VWA5B1: variants seen among roughly 807,000 people sequenced by gnomAD.
VWA5B1 encodes the protein von Willebrand factor A domain containing 5B1.
In VWA5B1, 115 loss-of-function variants were observed where a neutral mutation model predicts 118.2. The ratio of observed to expected loss-of-function variants is 0.97; its 90% CI spans 0.84 to 1.14. The LOEUF (loss-of-function observed/expected upper bound fraction) is 1.14, where lower values mean the gene tolerates loss of function less well. Among genes scored for constraint, VWA5B1 ranks in the 50% most tolerant of loss-of-function variants. The probability of loss-of-function intolerance (pLI) is 0.00; values close to 1 mark genes in which losing one functional copy is unlikely to be tolerated. For missense variants in VWA5B1, 1,596 were observed against 1,603.8 expected, an observed-to-expected ratio of 1.00 and a Z score of 0.08; for synonymous variants, 682 against 658.4, an observed-to-expected ratio of 1.04 and a Z score of -0.55.
intron 1 of VWA5B1, among the ~76,000 whole-genome samples, chr1:20,291,516 T>A (rs141586132): frequency 2.6e-4 from 40 of 152,044 alleles, no homozygotes; most frequent in African/African-American, 7.2e-4. Flanking sequence ...TGTGTCTCTG[T>A]CTCTCTCTTC....
chr1:20,317,138 T>A (rs577328846), intron 4 of VWA5B1, among the ~76,000 whole-genome samples: 9,408 of 128,226 alleles, frequency 0.073, 348 homozygotes, highest in Middle Eastern at 0.11. Context: ...CCTGGGTGAC[T>A]GAGCAAGACT....
Position 20,343,074 on chromosome 1 carries a change from C to T in VWA5B1, c.2312-5C>T. The T allele has an allele frequency of 7.3e-6, 11 of 1,507,068 alleles. No homozygotes were observed. Among genetic ancestry groups the T allele is most frequent in the South Asian group, 1.3e-5 (1 of 78,268 alleles). 93.4% of individuals were successfully genotyped at this position (1,507,068 alleles called of 1,614,324 possible). A position where few individuals can be genotyped will look rare whatever the true frequency, so the allele number is the denominator to read the frequency against. ...CGCTTGGCCCACTTGTCCCTCTGCC[C>T]GCAGAGCCGTCCCACCATCCCTCTG... On this transcript the variant is annotated splice_region_variant and splice_polypyrimidine_tract_variant and intron_variant, in intron 15 of 21. Transcript: ENST00000289815.
intron 1 of VWA5B1, among the ~76,000 whole-genome samples, chr1:20,292,195 T>C (rs2088322933): frequency 6.6e-6 from 1 of 151,004 alleles, no homozygotes; most frequent in African/African-American, 2.4e-5. Context: ...CTCCCTTACC[T>C]CCTTCCTTCT....
chr1:20,329,597 C>G (rs2089487984), intron 9 of VWA5B1, among the ~76,000 whole-genome samples: 1 of 152,120 alleles, frequency 6.6e-6, no homozygotes, highest in Admixed American at 6.5e-5. Context: ...AAGTCCTGTC[C>G]AAGGGTGGAT....
At chr1:20,316,055 G>A (rs993668891) in intron 4 of VWA5B1, among the ~76,000 whole-genome samples, 1 of 152,268 alleles carries the variant, frequency 6.6e-6, no homozygotes, top group South Asian at 2.1e-4. Flanking sequence ...TGACACTCTT[G>A]GGAAAAGACT....
intron 3 of VWA5B1, 53 bp from the exon 4 acceptor site, chr1:20,314,269 G>T: frequency 9.2e-6 from 14 of 1,525,332 alleles, no homozygotes; most frequent in Non-Finnish European, 1.2e-5. Context: ...AGCAATCTTA[G>T]AGGGGATCAG....
chr1:20,294,040 A>G (rs2088360583), intron 1 of VWA5B1, among the ~76,000 whole-genome samples: 1 of 152,232 alleles, frequency 6.6e-6, no homozygotes, highest in African/African-American at 2.4e-5. Context: ...AATGAAAACC[A>G]TTGGATCACT....
chr1:20,330,784 G>T, intron 10 of VWA5B1, 85 bp from the exon 11 acceptor site: 1 of 1,350,182 alleles, frequency 7.4e-7, no homozygotes, highest in South Asian at 1.3e-5. Context: ...GATCCTGCCA[G>T]ACCATGCTCT....
intron 1 of VWA5B1, 90 bp downstream of exon 1, chr1:20,291,178 A>ATG (rs60319746): frequency 3.9e-4 from 50 of 127,696 alleles, no homozygotes; most frequent in Middle Eastern, 3.7e-3. Context: ...GTGTGTGTGT[A>ATG]TGTGTGTGTG....
At chr1:20,325,499 A>T (rs557862212) in intron 8 of VWA5B1, among the ~76,000 whole-genome samples, 1 of 152,306 alleles carries the variant, frequency 6.6e-6, no homozygotes, top group South Asian at 2.1e-4. Context: ...TTTCCTGCTG[A>T]GCCTGGACTC....
intron 5 of VWA5B1, 75 bp downstream of exon 5, chr1:20,317,750 G>T: frequency 2.0e-6 from 2 of 998,632 alleles, no homozygotes; most frequent in African/African-American, 1.6e-5. Flanking sequence ...TGGGACGGGG[G>T]TGGGAAGGAA....
In VWA5B1 at chr1:20,296,302, A is replaced by G. The variant is rs1010353790; in HGVS notation, c.-27+5214A>G. On this transcript the variant is annotated intron_variant, in intron 1 of 21. Coordinates refer to ENST00000289815, the MANE Select transcript of VWA5B1 (RefSeq NM_001039500.3). ...TGCCCTTCACCCAATACCCATGTCCATCAGTTTCTCCGTCAGGTGGGGTAA... is the reference window on the plus strand; with the variant it reads ...TGCCCTTCACCCAATACCCATGTCCGTCAGTTTCTCCGTCAGGTGGGGTAA... Among the ~76,000 whole-genome samples, 60 of 152,336 alleles carry G rather than the reference A, an allele frequency of 3.9e-4. 1 individual carries two copies. The highest frequency in any genetic ancestry group is 1.4e-3 in the African/African-American group (59 of 41,582).
At chr1:20,345,904 T>C (rs1469412667) in intron 17 of VWA5B1, among the ~76,000 whole-genome samples, 6 of 152,222 alleles carry the variant, frequency 3.9e-5, no homozygotes, top group Non-Finnish European at 1.5e-5. Flanking sequence ...TATAGAAAGA[T>C]ATAAAATGTA....
At chr1:20,329,231 A>G (rs2089471726) in intron 9 of VWA5B1, among the ~76,000 whole-genome samples, 1 of 146,472 alleles carries the variant, frequency 6.8e-6, no homozygotes, top group Non-Finnish European at 1.5e-5. Flanking sequence ...CTACACATAC[A>G]TCTTAAGACT....
intron 17 of VWA5B1, among the ~76,000 whole-genome samples, chr1:20,347,154 A>G (rs1235241661): frequency 2.0e-4 from 30 of 152,238 alleles, no homozygotes; most frequent in East Asian, 1.9e-4. Context: ...CTCATGTCCT[A>G]TGAATAGCCA....
At chr1:20,337,588 G>A in intron 13 of VWA5B1, 58 bp from the exon 14 acceptor site, 1 of 1,483,386 alleles carries the variant, frequency 6.7e-7, no homozygotes. Flanking sequence ...GGGGATGCAA[G>A]CCCCACTCTT....
At chr1:20,345,667 T>C in intron 17 of VWA5B1, 74 bp downstream of exon 17, 1 of 1,463,082 alleles carries the variant, frequency 6.8e-7, no homozygotes. Flanking sequence ...GGGGCTGAGA[T>C]ACAAAGGACC....
chr1:20,315,650 G>A (rs2088982736), intron 4 of VWA5B1, among the ~76,000 whole-genome samples: 1 of 152,212 alleles, frequency 6.6e-6, no homozygotes, highest in East Asian at 1.9e-4. Flanking sequence ...TTTGTGCAGG[G>A]AGAGTCACAA....
chr1:20,329,314 T>C (rs1487409743), intron 9 of VWA5B1, among the ~76,000 whole-genome samples: 1 of 109,624 alleles, frequency 9.1e-6, no homozygotes, highest in Non-Finnish European at 1.9e-5. Context: ...TTTTTTTTTT[T>C]TTGAGATGGA....
Sources: allele counts gnomAD v4.1 joint callset (sites outside exome capture counted in the v4.1 genomes callset), GRCh38; gene constraint gnomAD v4.1.1; transcripts MANE v1.5; gene names NCBI Gene and HGNC (gene_info 2026-07-23, HGNC 2026-07-21).